The following MALSU1 variants were observed in gnomAD, a reference collection of about 807,000 sequenced individuals.
MALSU1 encodes mitochondrial assembly of ribosomal large subunit protein 1.
MALSU1 carries 22 observed loss-of-function variants against 22.1 expected under a neutral mutation model. The observed-to-expected ratio is 1.00, with a 90% CI of 0.71 to 1.42. The LOEUF (loss-of-function observed/expected upper bound fraction) is 1.42, where lower values mean the gene tolerates loss of function less well. MALSU1 is among the 40% of genes most tolerant of loss of function. MALSU1 has a pLI of 0.00. For missense variants in MALSU1, 379 were observed against 308.3 expected (o/e 1.23, Z -1.72); for synonymous variants, 153 against 118.5 (o/e 1.29, Z -1.89).
At chr7:23,305,569 G>A (rs1398707150) in intron 2 of MALSU1, among the ~76,000 whole-genome samples, 1 of 152,010 alleles carries the variant, frequency 6.6e-6, no homozygotes, top group African/African-American at 2.4e-5. Context: ...TAGAGATGAG[G>A]TTTCACCATT....
chr7:23,302,773 T>A (rs1562656197), intron 2 of MALSU1, among the ~76,000 whole-genome samples: 1 of 152,204 alleles, frequency 6.6e-6, no homozygotes, highest in Non-Finnish European at 1.5e-5. Context: ...ACGTAAAACC[T>A]ACCGTTTAAT....
chr7:23,305,278 C>T (rs954560050), intron 2 of MALSU1, among the ~76,000 whole-genome samples: 1 of 152,078 alleles, frequency 6.6e-6, no homozygotes, highest in African/African-American at 2.4e-5. Flanking sequence ...CAGTTTCAGA[C>T]TGTTTTGTTT....
intron 3 of MALSU1, among the ~76,000 whole-genome samples, chr7:23,309,101 C>G (rs1284098427): frequency 6.6e-6 from 1 of 152,192 alleles, no homozygotes; most frequent in Non-Finnish European, 1.5e-5. Context: ...AATCCTGACA[C>G]CATTAGTCTC....
chr7:23,307,786 A>ACC lies in MALSU1; in HGVS notation c.436-81_436-80insCC, dbSNP rs1554306726. On this transcript the variant is annotated intron_variant, in intron 2 of 3. Transcript: ENST00000466681. Reference sequence around the variant, plus strand: ...AAGAAAGATTAAAAAAAACAAACAAACAAACAAAAAAAAAAGACCTTCAGC... The same window carrying ACC: ...AAGAAAGATTAAAAAAAACAAACAAACCCAAACAAAAAAAAAAGACCTTCAGC... 5 of 848,634 alleles carry ACC rather than the reference A, an allele frequency of 5.9e-6. No individual in the cohort carries two copies. In the African/African-American group the frequency reaches 7.8e-5, roughly 13 times the overall value. The allele number at this position is 848,634 out of a possible 1,614,324, so 52.6% of individuals were successfully genotyped here.
At position 23,299,574 on chromosome 7, in the gene MALSU1, G is replaced by A. The variant is rs751729080; in HGVS notation, c.222G>A (p.Thr74=). 1.8e-4 allele frequency: 287 copies of A among 1,602,368 alleles called. No homozygotes were observed. The Admixed American group carries it at 4.8e-3, about 27-fold the overall frequency. Residue 74 remains threonine, a synonymous_variant, in exon 1 of 4, where the codon ACG becomes ACA. Transcript: ENST00000466681. ...GGCTGGAGGAGCGGGCGGAGGGGAC[G>A]GTCAACGAGGGACGCCCAGAATCGG... The part of the protein sequence containing the change: ...EPGLEERAEG[T]VNEGRPESDA...
At chr7:23,306,725 G>A (rs1014057482) in intron 2 of MALSU1, among the ~76,000 whole-genome samples, 5 of 152,160 alleles carry the variant, frequency 3.3e-5, no homozygotes, top group Admixed American at 6.5e-5. Context: ...TTAATGTGGT[G>A]TTATTGCATT....
At position 23,309,447 on chromosome 7, in the gene MALSU1, A is replaced by G; in HGVS notation, c.609A>G (p.Leu203=). ...CCCTACGTTCTTATGATGACCAGTTAGCTCAGATAGCACCTGAGACAGTAC... is the reference window on the plus strand; with the variant it reads ...CCCTACGTTCTTATGATGACCAGTTGGCTCAGATAGCACCTGAGACAGTAC... ...LWTLRSYDDQ[L]AQIAPETVPE... Residue 203 remains leucine (L), a synonymous_variant, in exon 4 of 4, where the codon TTA becomes TTG. Transcript: ENST00000466681. 6.2e-7 allele frequency: 1 copy of G among 1,613,276 alleles called. No individual in the cohort carries two copies. The highest frequency in any genetic ancestry group is 2.2e-5 in the East Asian group (1 of 44,866).
Position 23,309,551 on chromosome 7 carries a change from T to C in MALSU1, c.*8T>C, listed in dbSNP as rs745786502. The C allele has an allele frequency of 1.9e-6, 3 of 1,585,908 alleles. No individual in the cohort carries two copies. The highest frequency in any genetic ancestry group is 2.7e-5 in the African/African-American group (2 of 73,652). On this transcript the variant is annotated 3_prime_UTR_variant, in exon 4 of 4. Transcript: ENST00000466681. ...GAGTTAAAATGTGAATAAAATATTT[T>C]ATGCACTGCGTTAGTCATTTCAGAT...
intron 3 of MALSU1, among the ~76,000 whole-genome samples, chr7:23,308,589 AT>A (rs1239154986): frequency 6.6e-6 from 1 of 152,164 alleles, no homozygotes; most frequent in Non-Finnish European, 1.5e-5. Context: ...AGAACAGTTT[AT>A]TACTCACAGC....
chr7:23,299,357 G>T lies in MALSU1; in HGVS notation c.5G>T (p.Gly2Val). 6.4e-7 allele frequency: 1 copy of T among 1,571,892 alleles called. No individual in the cohort carries two copies. Among genetic ancestry groups the T allele is most frequent in the Non-Finnish European group, 8.6e-7 (1 of 1,164,122 alleles). ...CGCCGACGCAAGGCTGCTGCTATGG[G>T]GCCGGGCGGCCGTGTGGCGCGGCTG... is the stretch of plus-strand genomic sequence containing the variant. M[G>V]PGGRVARLLA... Residue 2 changes from glycine (G) to valine (V), a missense_variant, in exon 1 of 4, where the codon GGG becomes GTG. Coordinates refer to ENST00000466681, the MANE Select transcript of MALSU1 (RefSeq NM_138446.2).
At chr7:23,308,800 T>A (rs1434492056) in intron 3 of MALSU1, among the ~76,000 whole-genome samples, 1 of 152,186 alleles carries the variant, frequency 6.6e-6, no homozygotes, top group African/African-American at 2.4e-5. Flanking sequence ...TTGGACCAGG[T>A]AATTTTGCAT....
intron 2 of MALSU1, 169 bp downstream of exon 2, chr7:23,301,186 T>C (rs942950398): frequency 3.4e-6 from 2 of 586,102 alleles, no homozygotes; most frequent in African/African-American, 3.7e-5. Flanking sequence ...TAGTGAAACA[T>C]ATGGGAGCAA....
At chr7:23,307,345 G>C (rs991550085) in intron 2 of MALSU1, among the ~76,000 whole-genome samples, 1 of 152,074 alleles carries the variant, frequency 6.6e-6, no homozygotes, top group Non-Finnish European at 1.5e-5. Context: ...TTTGTCTCTT[G>C]TAACAGTTTT....
chr7:23,306,325 G>A (rs186703284), intron 2 of MALSU1, among the ~76,000 whole-genome samples: 163 of 152,168 alleles, frequency 1.1e-3, no homozygotes, highest in African/African-American at 3.8e-3. Context: ...AATTTGTTTA[G>A]TAGCCCTAAC....
At position 23,310,624 on chromosome 7, in the gene MALSU1, A is replaced by G. The variant is rs1783800885; in HGVS notation, c.*1081A>G. On this transcript the variant is annotated 3_prime_UTR_variant, in exon 4 of 4. Transcript: ENST00000466681. Reference sequence around the variant, plus strand: ...AAAAAAAATCATGAATGCTAGGAGAATCCAGTGACAAAAAGGGCACTTTTT... The same window carrying G: ...AAAAAAAATCATGAATGCTAGGAGAGTCCAGTGACAAAAAGGGCACTTTTT... 1 of 152,224 alleles carries G rather than the reference A, an allele frequency of 6.6e-6. No individual in the cohort carries two copies. The highest frequency in any genetic ancestry group is 2.1e-4 in the South Asian group (1 of 4,832). 9.4% of individuals were successfully genotyped at this position (152,224 alleles called of 1,614,324 possible).
rs2128490228 is a variant in MALSU1, at chr7:23,311,111, C to CT, written c.*1569dup. 6.6e-6 allele frequency: 1 copy of CT among 151,608 alleles called. No homozygotes were observed. Among genetic ancestry groups the CT allele is most frequent in the African/African-American group, 2.4e-5 (1 of 41,236 alleles). 9.4% of individuals were successfully genotyped at this position (151,608 alleles called of 1,614,324 possible). A position where few individuals can be genotyped will look rare whatever the true frequency, so the allele number is the denominator to read the frequency against. On this transcript the variant is annotated 3_prime_UTR_variant, in exon 4 of 4. Transcript: ENST00000466681. ...TATACTTTACTACTTAAGGTGGAGT[C>CT]TAATTTTTTTTTTTTAATTTATCAG... is the stretch of plus-strand genomic sequence containing the variant.
In MALSU1 at chr7:23,310,637, A is replaced by C. The variant is rs567147088; in HGVS notation, c.*1094A>C. ...AATGCTAGGAGAATCCAGTGACAAAAAGGGCACTTTTTTGGTTAAAACTAC... is the reference window on the plus strand; with the variant it reads ...AATGCTAGGAGAATCCAGTGACAAACAGGGCACTTTTTTGGTTAAAACTAC... On this transcript the variant is annotated 3_prime_UTR_variant, in exon 4 of 4. Transcript: ENST00000466681. The C allele has an allele frequency of 6.6e-6, 1 of 152,346 alleles. No individual in the cohort carries two copies. The highest frequency in any genetic ancestry group is 6.5e-5 in the Admixed American group (1 of 15,298). The allele number at this position is 152,346 out of a possible 1,614,324, so 9.4% of individuals were successfully genotyped here. A position where few individuals can be genotyped will look rare whatever the true frequency, so the allele number is the denominator to read the frequency against.
intron 3 of MALSU1, among the ~76,000 whole-genome samples, chr7:23,309,103 A>G (rs1424347648): frequency 1.3e-5 from 2 of 152,206 alleles, no homozygotes; most frequent in East Asian, 1.9e-4. Flanking sequence ...TCCTGACACC[A>G]TTAGTCTCTT....
chr7:23,309,526 G>C lies in MALSU1; in HGVS notation c.688G>C (p.Glu230Gln). The C allele has an allele frequency of 1.3e-6, 2 of 1,597,602 alleles. No homozygotes were observed. The highest frequency in any genetic ancestry group is 1.7e-6 in the Non-Finnish European group (2 of 1,175,508). Reference sequence around the variant, plus strand: ...TGATACTTCATCTGTGACTCCAGTGGAGTTAAAATGTGAATAAAATATTTT... The same window carrying C: ...TGATACTTCATCTGTGACTCCAGTGCAGTTAAAATGTGAATAAAATATTTT... The part of the protein sequence containing the change: ...EDDTSSVTPV[E>Q]LKCE The change falls in exon 4 of 4, where the codon GAG (glutamate) becomes CAG (glutamine). Residue 230 changes from glutamate to glutamine, a missense_variant. Glu to Gln is a conservative substitution (Grantham distance 29). Coordinates refer to ENST00000466681, the MANE Select transcript of MALSU1 (RefSeq NM_138446.2).
Sources: gnomAD v4.1 joint callset for allele counts (sites outside exome capture counted in the v4.1 genomes callset) on GRCh38, gnomAD v4.1.1 for gene constraint, MANE v1.5 for transcripts, NCBI Gene and HGNC (gene_info 2026-07-23, HGNC 2026-07-21) for gene names.